Variants in RABEP1 observed in about 807,000 individuals in gnomAD.
RABEP1 encodes rabaptin, RAB GTPase binding effector protein 1, also known as rab GTPase-binding effector protein 1.
A neutral mutation model predicts 123.4 loss-of-function variants in RABEP1; 51 were observed. That is an observed-to-expected ratio of 0.41 (90% confidence interval 0.33 to 0.52). The LOEUF is 0.52. Among genes scored for constraint, RABEP1 ranks in the 20% least tolerant of loss-of-function variants. The pLI, the probability that RABEP1 is intolerant of heterozygous loss-of-function variation, is 0.16. For missense variants in RABEP1, 888 were observed against 996.3 expected (o/e 0.89, Z 1.46); for synonymous variants, 347 against 355.2 (o/e 0.98, Z 0.26).
chr17:5,307,267 G>A (rs1022563317), intron 1 of RABEP1, among the ~76,000 whole-genome samples: 1 of 152,172 alleles, frequency 6.6e-6, no homozygotes. Context: ...GCGGTGAGCC[G>A]AGATCGCCCC....
At chr17:5,378,016 C>T (rs1911142090) in intron 14 of RABEP1, among the ~76,000 whole-genome samples, 161 bp from the exon 15 acceptor site, 1 of 152,056 alleles carries the variant, frequency 6.6e-6, no homozygotes. Context: ...TTCCCTGAGC[C>T]TAAATATGCT....
intron 1 of RABEP1, among the ~76,000 whole-genome samples, 161 bp downstream of exon 1, chr17:5,282,681 C>G (rs2074938089): frequency 6.9e-6 from 1 of 144,968 alleles, no homozygotes; most frequent in African/African-American, 2.5e-5. Flanking sequence ...CGCGCGAGGG[C>G]GGCGCGGGCG....
chr17:5,344,707 G>C (rs1268187277), intron 5 of RABEP1, among the ~76,000 whole-genome samples: 2 of 138,406 alleles, frequency 1.4e-5, no homozygotes, highest in Non-Finnish European at 3.0e-5. Context: ...GGGAGGCGGA[G>C]CTTGCAGTGT....
At chr17:5,283,124 A>G (rs898973609) in intron 1 of RABEP1, among the ~76,000 whole-genome samples, 9 of 152,058 alleles carry the variant, frequency 5.9e-5, no homozygotes, top group South Asian at 2.1e-4. Flanking sequence ...GTTGAGCCTC[A>G]GTATTCTCAC....
In RABEP1 at chr17:5,354,424, A is replaced by C. The variant is rs1217288033; in HGVS notation, c.1029A>C (p.Glu343Asp). ...ACAAAAAAGCAGATGTTGAGGAAGA[A>C]ATAAAAATACCAGTAGTGTGTGCTT... is the stretch of plus-strand genomic sequence containing the variant. ...KDHKKADVEE[E>D]IKIPVVCALT... Residue 343 changes from glutamate (E) to aspartate (D), a missense_variant, in exon 8 of 18, where the codon GAA (glutamate) becomes GAC (aspartate). Physicochemically the swap from Glu to Asp is conservative, Grantham distance 45 (BLOSUM62 2). Transcript: ENST00000537505. 1 of 1,613,414 alleles carries C rather than the reference A, an allele frequency of 6.2e-7. No homozygotes were observed. The highest frequency in any genetic ancestry group is 2.2e-5 in the East Asian group (1 of 44,758).
chr17:5,343,936 A>C (rs540690221), intron 5 of RABEP1, among the ~76,000 whole-genome samples: 1 of 152,134 alleles, frequency 6.6e-6, no homozygotes, highest in East Asian at 1.9e-4. Flanking sequence ...TTGGCCTCCC[A>C]AAGTGCTGGG....
At chr17:5,376,267 G>T (rs1361682794) in intron 13 of RABEP1, among the ~76,000 whole-genome samples, 1 of 152,116 alleles carries the variant, frequency 6.6e-6, no homozygotes, top group Non-Finnish European at 1.5e-5. Flanking sequence ...TCTGTGGTGA[G>T]ATATGATTAT....
In RABEP1 at chr17:5,377,308, G is replaced by A. The variant is rs768068573; in HGVS notation, c.2215+3G>A. ...AGAAAACTGCAAGGAGGAAATAGGT[G>A]AAGATAAAAGTGATGTAGTTTAGAA... On this transcript the variant is annotated splice_donor_region_variant and intron_variant, in intron 14 of 17. Transcript: ENST00000537505. The A allele has an allele frequency of 2.4e-5, 38 of 1,571,426 alleles. No homozygotes were observed. Among genetic ancestry groups the A allele is most frequent in the Non-Finnish European group, 2.7e-5 (32 of 1,167,520 alleles).
At chr17:5,323,618 A>G (rs1434515456) in intron 2 of RABEP1, among the ~76,000 whole-genome samples, 1 of 150,988 alleles carries the variant, frequency 6.6e-6, no homozygotes, top group Non-Finnish European at 1.5e-5. Flanking sequence ...ACACATACAC[A>G]CACAACACAG....
At position 5,386,304 on chromosome 17, in the gene RABEP1, A is replaced by G; in HGVS notation, c.*3081A>G. 1 of 1,455,728 alleles carries G rather than the reference A, an allele frequency of 6.9e-7. No individual in the cohort carries two copies. The allele number at this position is 1,455,728 out of a possible 1,614,324, so 90.2% of individuals were successfully genotyped here. On this transcript the variant is annotated 3_prime_UTR_variant, in exon 18 of 18. Transcript: ENST00000537505. ...TGTAAAGTCACTCACTTTTGGAATTATAATAAACCATTTATATGGATTCTT... is the reference window on the plus strand; with the variant it reads ...TGTAAAGTCACTCACTTTTGGAATTGTAATAAACCATTTATATGGATTCTT...
chr17:5,294,717 G>A (rs1478946949), intron 1 of RABEP1, among the ~76,000 whole-genome samples: 4 of 128,142 alleles, frequency 3.1e-5, no homozygotes, highest in Non-Finnish European at 6.2e-5. Flanking sequence ...GCGCGATCTC[G>A]GCTCACTGCA....
At chr17:5,300,578 C>T (rs1048970175) in intron 1 of RABEP1, among the ~76,000 whole-genome samples, 3 of 152,118 alleles carry the variant, frequency 2.0e-5, no homozygotes, top group African/African-American at 7.2e-5. Context: ...TGTGCTCCCC[C>T]ATCCCCGTAT....
intron 15 of RABEP1, among the ~76,000 whole-genome samples, chr17:5,379,006 T>C (rs1911227592): frequency 6.6e-6 from 1 of 152,194 alleles, no homozygotes; most frequent in South Asian, 2.1e-4. Context: ...TGTCCCCAGC[T>C]GCTGATGCCA....
chr17:5,296,885 G>A (rs540898900), intron 1 of RABEP1, among the ~76,000 whole-genome samples: 3 of 152,200 alleles, frequency 2.0e-5, no homozygotes, highest in African/African-American at 7.2e-5. Context: ...GACTACAGGT[G>A]TGCACCACCA....
chr17:5,316,643 G>A (rs985083585), intron 2 of RABEP1, among the ~76,000 whole-genome samples: 3 of 151,034 alleles, frequency 2.0e-5, no homozygotes, highest in Non-Finnish European at 4.4e-5. Flanking sequence ...GATCAGCCTG[G>A]CCATCGTGGT....
intron 1 of RABEP1, chr17:5,284,149 G>A (rs1228711784): frequency 1.3e-5 from 2 of 152,178 alleles, no homozygotes; most frequent in Non-Finnish European, 2.9e-5. Context: ...TGACATGACC[G>A]TCTGGAATCA....
chr17:5,285,368 A>G (rs1369992301), intron 1 of RABEP1, among the ~76,000 whole-genome samples: 1 of 150,904 alleles, frequency 6.6e-6, no homozygotes, highest in African/African-American at 2.4e-5. Flanking sequence ...CCCTGGGCTC[A>G]AGTGATTCTC....
At chr17:5,326,110 C>T (rs975978566) in intron 2 of RABEP1, among the ~76,000 whole-genome samples, 2 of 152,164 alleles carry the variant, frequency 1.3e-5, no homozygotes, top group South Asian at 2.1e-4. Flanking sequence ...ACTAGGCATA[C>T]TCTTGCCTTT....
chr17:5,372,666 C>T (rs1597394068), intron 12 of RABEP1, among the ~76,000 whole-genome samples: 1 of 152,214 alleles, frequency 6.6e-6, no homozygotes, highest in Non-Finnish European at 1.5e-5. Flanking sequence ...AGTACATGCT[C>T]TGTCTGATAT....
Sources: allele counts gnomAD v4.1 joint callset (sites outside exome capture counted in the v4.1 genomes callset), GRCh38; gene constraint gnomAD v4.1.1; transcripts MANE v1.5; gene names NCBI Gene and HGNC (gene_info 2026-07-23, HGNC 2026-07-21).